The following RADIL variants were observed in gnomAD, a reference collection of about 807,000 sequenced individuals.
RADIL encodes the protein ras-associating and dilute domain-containing protein.
A neutral mutation model predicts 97.6 loss-of-function variants in RADIL; 99 were observed. That is an observed-to-expected ratio of 1.01 (90% CI 0.86 to 1.20). The LOEUF (loss-of-function observed/expected upper bound fraction) is 1.20, where lower values mean the gene tolerates loss of function less well. Ranked by LOEUF, RADIL falls within the 50% of genes most tolerant of loss-of-function variation. The pLI is 0.00. For synonymous variants in RADIL, 803 were observed against 691.8 expected, an observed-to-expected ratio of 1.16 and a Z score of -2.52; for missense variants, 1,765 against 1,498.9, an observed-to-expected ratio of 1.18 and a Z score of -2.93.
Position 4,837,156 on chromosome 7 carries a change from G to C in RADIL, c.536-551C>G, listed in dbSNP as rs1783322744. ...AGAACAGTCTCAGAGCAGGCAGCCTGCCTGTCAAATCCTCAGGCTGAGGGG... is the reference window on the plus strand; with the variant it reads ...AGAACAGTCTCAGAGCAGGCAGCCTCCCTGTCAAATCCTCAGGCTGAGGGG... On this transcript the variant is annotated intron_variant, in intron 2 of 14. Coordinates refer to ENST00000399583, the MANE Select transcript of RADIL (RefSeq NM_018059.5). The surrounding 1 kb of genome is among the most constrained non-coding windows in gnomAD (Gnocchi z 5.6). Among the ~76,000 whole-genome samples, 1 of 152,174 alleles carries C rather than the reference G, an allele frequency of 6.6e-6. No homozygotes were observed. Among genetic ancestry groups the C allele is most frequent in the Admixed American group, 6.5e-5 (1 of 15,282 alleles).
At chr7:4,806,440 G>C (rs1180828109) in intron 9 of RADIL, among the ~76,000 whole-genome samples, 1 of 152,136 alleles carries the variant, frequency 6.6e-6, no homozygotes, top group Non-Finnish European at 1.5e-5. Context: ...TCCCGCCTCA[G>C]CCTCCCAAAG....
chr7:4,850,208 G>A lies in RADIL; in HGVS notation c.536-13603C>T, dbSNP rs184987964. Reference sequence around the variant, plus strand: ...TTCCTTTTACCCACACTACACAGACGATCCCTTTAAAAAAAAAAAAAAAAA... The same window carrying A: ...TTCCTTTTACCCACACTACACAGACAATCCCTTTAAAAAAAAAAAAAAAAA... On this transcript the variant is annotated intron_variant, in intron 2 of 14. Transcript: ENST00000399583. Among the ~76,000 whole-genome samples, 272 of 79,592 alleles carry A rather than the reference G, an allele frequency of 3.4e-3. 1 individual carries two copies. The highest frequency in any genetic ancestry group is 0.013 in the African/African-American group (251 of 19,340). The allele number at this position is 79,592 out of a possible 152,430, so 52.2% of individuals were successfully genotyped here.
intron 12 of RADIL, 38 bp from the exon 13 acceptor site, chr7:4,800,348 G>A (rs751790430): frequency 5.6e-5 from 79 of 1,417,872 alleles, no homozygotes; most frequent in Non-Finnish European, 6.3e-5. Flanking sequence ...GGAGTGAGGC[G>A]CCAGGAATCA....
chr7:4,860,212 G>A (rs1783947207), intron 2 of RADIL: 12 of 1,614,010 alleles, frequency 7.4e-6, no homozygotes, highest in East Asian at 4.5e-5. Flanking sequence ...GCACAGACAT[G>A]CTGTTTTCAC....
intron 9 of RADIL, chr7:4,806,133 G>A (rs1018667995): frequency 2.3e-4 from 197 of 861,222 alleles, no homozygotes; most frequent in Non-Finnish European, 2.6e-4. Flanking sequence ...GGTGACAGGA[G>A]GCAGGGAAAA....
chr7:4,833,273 T>G (rs1376316944), intron 4 of RADIL, among the ~76,000 whole-genome samples: 1 of 152,190 alleles, frequency 6.6e-6, no homozygotes, highest in Non-Finnish European at 1.5e-5. Context: ...AAACAGCGTT[T>G]GGTTTGCAAG....
chr7:4,807,040 C>A (rs888460452), intron 9 of RADIL, among the ~76,000 whole-genome samples: 3 of 152,128 alleles, frequency 2.0e-5, no homozygotes, highest in African/African-American at 7.2e-5. Context: ...ACTGCCTGCA[C>A]CTGCCTTCCC....
At chr7:4,865,335 G>A (rs1784107312) in intron 2 of RADIL, 1 of 548,232 alleles carries the variant, frequency 1.8e-6, no homozygotes, top group Non-Finnish European at 3.3e-6. Context: ...ATACAATATT[G>A]TATTTTTACT....
At chr7:4,862,073 G>C in intron 2 of RADIL, 1 of 372,866 alleles carries the variant, frequency 2.7e-6, no homozygotes, top group Non-Finnish European at 4.8e-6. Flanking sequence ...GCCAGCGCGA[G>C]GGCTCACGGG....
chr7:4,803,610 C>T lies in RADIL; in HGVS notation c.2435G>A (p.Ser812Asn), dbSNP rs751877614. The change falls in exon 11 of 15, where the codon AGC (serine) becomes AAC (asparagine). Residue 812 changes from serine (S) to asparagine (N), a missense_variant. Transcript: ENST00000399583. ...YVRHFLWGLR[S>N]RASPGSPGRP... is the part of the protein sequence containing the mutation. ...GCCAGGGCTGCCGGGGCTGGCTCTG[C>T]TCCGCAGACCCCACAGAAAGTGGCG... The T allele has an allele frequency of 4.5e-6, 7 of 1,549,358 alleles. No individual in the cohort carries two copies. Among genetic ancestry groups the T allele is most frequent in the African/African-American group, 1.4e-5 (1 of 73,142 alleles).
rs772591636 is a variant in RADIL, at chr7:4,878,323, G to T, written c.-64-120C>A. 1 of 664,960 alleles carries T rather than the reference G, an allele frequency of 1.5e-6. No homozygotes were observed. Among genetic ancestry groups the T allele is most frequent in the Non-Finnish European group, 2.5e-6 (1 of 401,762 alleles). 41.2% of individuals were successfully genotyped at this position (664,960 alleles called of 1,614,324 possible). A position where few individuals can be genotyped will look rare whatever the true frequency, so the allele number is the denominator to read the frequency against. On this transcript the variant is annotated intron_variant, in intron 1 of 14. Transcript: ENST00000399583. The surrounding 1 kb of genome is among the most constrained non-coding windows in gnomAD (Gnocchi z 4.1). ...CTTTAGAAGGCCAAGGTGGGAGGAC[G>T]GCTTGAGCCCGGGAGTTCCAGACCA...
chr7:4,800,366 G>A (rs1240751968), intron 12 of RADIL, 56 bp from the exon 13 acceptor site: 6 of 1,405,442 alleles, frequency 4.3e-6, no homozygotes, highest in Non-Finnish European at 5.6e-6. Flanking sequence ...TCACGACGAG[G>A]AATGGGATGT....
At chr7:4,861,511 CGT>C in intron 2 of RADIL, 1 of 1,614,030 alleles carries the variant, frequency 6.2e-7, no homozygotes, top group Non-Finnish European at 8.5e-7. Context: ...AAGAGCCAAA[CGT>C]AAAAATCTTT....
intron 2 of RADIL, among the ~76,000 whole-genome samples, chr7:4,851,487 T>G (rs1249603839): frequency 6.6e-6 from 1 of 152,194 alleles, no homozygotes; most frequent in African/African-American, 2.4e-5. Context: ...GAAACCTAGA[T>G]GGCTCACAAG....
intron 2 of RADIL, chr7:4,860,050 C>G (rs376258488): frequency 6.2e-7 from 1 of 1,613,992 alleles, no homozygotes; most frequent in East Asian, 2.2e-5. Flanking sequence ...TTAATGCAAC[C>G]CCTGAACTTT....
In RADIL at chr7:4,875,064, C is replaced by T. The variant is rs563364958; in HGVS notation, c.535+2541G>A. Among the ~76,000 whole-genome samples, 23 of 140,254 alleles carry T rather than the reference C, an allele frequency of 1.6e-4. No individual in the cohort carries two copies. The East Asian group carries it at 2.9e-3, about 18-fold the overall frequency. 92.0% of individuals were successfully genotyped at this position (140,254 alleles called of 152,430 possible). A position where few individuals can be genotyped will look rare whatever the true frequency, so the allele number is the denominator to read the frequency against. ...AAAATTAGCCGGGCGTGGTGGCGGG[C>T]GCCTGTAGTCCCAGCTACTCGGGAG... On this transcript the variant is annotated intron_variant, in intron 2 of 14. Transcript: ENST00000399583.
rs190193078 is a variant in RADIL at position 4,844,438 on chromosome 7, C to T, written c.536-7833G>A. ...CCAGCCTGGCAACAGAGTGAGACTCCATCTAAAAAAAACAAGAAAAGAAAA... is the reference window on the plus strand; with the variant it reads ...CCAGCCTGGCAACAGAGTGAGACTCTATCTAAAAAAAACAAGAAAAGAAAA... On this transcript the variant is annotated intron_variant, in intron 2 of 14. Transcript: ENST00000399583. 9.2e-4 allele frequency among the ~76,000 whole-genome samples: 139 copies of T among 151,494 alleles called. 1 individual carries two copies. The highest frequency in any genetic ancestry group is 3.2e-3 in the African/African-American group (132 of 41,298).
intron 14 of RADIL, 66 bp downstream of exon 14, chr7:4,799,564 C>CCCAG: frequency 6.2e-7 from 1 of 1,610,482 alleles, no homozygotes; most frequent in South Asian, 1.1e-5. Flanking sequence ...TCTCCTTTAC[C>CCCAG]CCAGGTCCAC....
In RADIL at chr7:4,872,990, T is replaced by C. The variant is rs1375983331; in HGVS notation, c.535+4615A>G. Among the ~76,000 whole-genome samples the C allele has an allele frequency of 1.3e-5, 2 of 152,152 alleles. No homozygotes were observed. Among genetic ancestry groups the C allele is most frequent in the Non-Finnish European group, 2.9e-5 (2 of 68,028 alleles). ...TCTCGCTCTGTCACCCAGGCTGGAG[T>C]GCAGTGGTGCGATCTCAGCTCACTG... On this transcript the variant is annotated intron_variant, in intron 2 of 14. Coordinates refer to ENST00000399583, the MANE Select transcript of RADIL (RefSeq NM_018059.5). The surrounding 1 kb of genome is among the most constrained non-coding windows in gnomAD (Gnocchi z 5.8).
Sources: gnomAD v4.1 joint callset for allele counts (sites outside exome capture counted in the v4.1 genomes callset) on GRCh38, gnomAD v4.1.1 for gene constraint, Gnocchi (gnomAD v3.1) non-coding constraint, MANE v1.5 for transcripts, NCBI Gene and HGNC (gene_info 2026-07-23, HGNC 2026-07-21) for gene names.